Variants in BSN observed in about 807,000 individuals in gnomAD.
BSN encodes bassoon presynaptic cytomatrix protein.
BSN carries 57 observed loss-of-function variants against 264.8 expected under a neutral mutation model. The ratio of observed to expected loss-of-function variants is 0.22; its 90% CI spans 0.17 to 0.27. The LOEUF (loss-of-function observed/expected upper bound fraction) is 0.27. Ranked by LOEUF, BSN falls within the 10% of genes least tolerant of loss-of-function variation. The probability of loss-of-function intolerance (pLI) is 1.00; values close to 1 mark genes in which losing one functional copy is unlikely to be tolerated. For synonymous variants in BSN, 2,059 were observed against 2,137.3 expected (o/e 0.96, Z 1.01); for missense variants, 4,615 against 5,232.5 (o/e 0.88, Z 3.64).
Position 49,664,789 on chromosome 3 carries a change from T to G in BSN, c.11741-10T>G, listed in dbSNP as rs1277636715. On this transcript the variant is annotated splice_polypyrimidine_tract_variant and intron_variant, in intron 9 of 11. Coordinates refer to ENST00000296452, the MANE Select transcript of BSN (RefSeq NM_003458.4). ...TTTCCTGATGGCTCTCTCCTCTTTC[T>G]TTGTCACAGCTGTCTCTGCTTTTGG... 1.2e-6 allele frequency: 2 copies of G among 1,613,802 alleles called. No individual in the cohort carries two copies. The highest frequency in any genetic ancestry group is 2.7e-5 in the African/African-American group (2 of 74,936).
chr3:49,651,144 C>T lies in BSN; in HGVS notation c.1986+65C>T. 6.7e-7 allele frequency: 1 copy of T among 1,497,622 alleles called. No homozygotes were observed. Among genetic ancestry groups the T allele is most frequent in the Non-Finnish European group, 8.9e-7 (1 of 1,120,068 alleles). 92.8% of individuals were successfully genotyped at this position (1,497,622 alleles called of 1,614,324 possible). A position where few individuals can be genotyped will look rare whatever the true frequency, so the allele number is the denominator to read the frequency against. On this transcript the variant is annotated intron_variant, in intron 4 of 11. Transcript: ENST00000296452. This position sits in a 1 kb window ranked among gnomAD's most constrained non-coding sequence, Gnocchi z 5.4. The stretch of plus-strand genomic sequence containing the variant: ...CAGGACAGTCTATGGAAAGGCTTGC[C>T]TCCCTGGGTGGCTGAGGCTGTAGGC...
At chr3:49,611,623 G>A (rs910604769) in intron 1 of BSN, among the ~76,000 whole-genome samples, 3 of 152,194 alleles carry the variant, frequency 2.0e-5, no homozygotes, top group Non-Finnish European at 2.9e-5. Context: ...CCAGTTAGAC[G>A]TTCCCTCAGA....
chr3:49,606,254 A>AT (rs1348331278), intron 1 of BSN, among the ~76,000 whole-genome samples: 4 of 16,826 alleles, frequency 2.4e-4, no homozygotes, highest in African/African-American at 3.8e-4. Context: ...TATATTATAT[A>AT]TAAAATATAT....
At chr3:49,572,053 A>G (rs2051801004) in intron 1 of BSN, among the ~76,000 whole-genome samples, 2 of 152,184 alleles carry the variant, frequency 1.3e-5, no homozygotes, top group South Asian at 4.1e-4. Context: ...GCGGAAACAC[A>G]ACAGTCAGCA....
chr3:49,610,600 A>AAAC (rs2052199297), intron 1 of BSN, among the ~76,000 whole-genome samples: 2 of 151,754 alleles, frequency 1.3e-5, no homozygotes, highest in South Asian at 2.1e-4. Flanking sequence ...AAAAAAAAAA[A>AAAC]AAAAAACAAG....
intron 1 of BSN, among the ~76,000 whole-genome samples, chr3:49,587,856 C>G (rs1177169542): frequency 7.0e-6 from 1 of 142,752 alleles, no homozygotes; most frequent in Non-Finnish European, 1.6e-5. Context: ...TAACTTCTGT[C>G]ATTTTGTTAC....
At chr3:49,623,419 A>G (rs2052319611) in intron 1 of BSN, among the ~76,000 whole-genome samples, 1 of 152,260 alleles carries the variant, frequency 6.6e-6, no homozygotes, top group African/African-American at 2.4e-5. Flanking sequence ...AAACTGGAAA[A>G]GAGGAAAATT....
chr3:49,627,367 G>A (rs1022066372), intron 2 of BSN, among the ~76,000 whole-genome samples: 3 of 152,176 alleles, frequency 2.0e-5, no homozygotes, highest in African/African-American at 7.2e-5. Context: ...GGGTTTTCAG[G>A]TAGAACCTTC....
chr3:49,663,863 C>A lies in BSN; in HGVS notation c.11585C>A (p.Pro3862Gln). 3 of 1,614,028 alleles carry A rather than the reference C, an allele frequency of 1.9e-6. No homozygotes were observed. Among genetic ancestry groups the A allele is most frequent in the Non-Finnish European group, 2.5e-6 (3 of 1,179,992 alleles). ...PQQGRAPQAQ[P>Q]APGPGPAGVK... Reference sequence around the variant, plus strand: ...CAGGGGAGGGCTCCTCAGGCCCAGCCAGCACCAGGACCTGGACCTGCAGGT... The same window carrying A: ...CAGGGGAGGGCTCCTCAGGCCCAGCAAGCACCAGGACCTGGACCTGCAGGT... Residue 3862 changes from proline to glutamine, a missense_variant, in exon 8 of 12, where the codon CCA becomes CAA. Physicochemically the swap from Pro to Gln is moderately conservative, Grantham distance 76 (BLOSUM62 -1). Transcript: ENST00000296452.
intron 1 of BSN, among the ~76,000 whole-genome samples, chr3:49,561,791 CTTG>C (rs1427953126): frequency 5.3e-5 from 8 of 151,812 alleles, no homozygotes; most frequent in Non-Finnish European, 8.8e-5. Flanking sequence ...CAGTAGATCT[CTTG>C]TTGTTGTTAT....
At chr3:49,562,512 T>C (rs2051722239) in intron 1 of BSN, among the ~76,000 whole-genome samples, 1 of 152,160 alleles carries the variant, frequency 6.6e-6, no homozygotes, top group Admixed American at 6.5e-5. Flanking sequence ...TTAAAAGGGG[T>C]TGCATTATTT....
intron 1 of BSN, among the ~76,000 whole-genome samples, chr3:49,576,652 C>T (rs1193441555): frequency 1.3e-5 from 2 of 152,096 alleles, no homozygotes; most frequent in East Asian, 3.9e-4. Context: ...GAACTCCTGG[C>T]CTCAGGTGAT....
chr3:49,609,952 C>T (rs1276167206), intron 1 of BSN, among the ~76,000 whole-genome samples: 1 of 152,200 alleles, frequency 6.6e-6, no homozygotes, highest in Admixed American at 6.5e-5. Context: ...ATCAATCACC[C>T]GAGCCCGTGG....
In BSN at chr3:49,662,443, C is replaced by G. The variant is rs570131321; in HGVS notation, c.10598C>G (p.Ser3533Cys). Residue 3533 changes from serine to cysteine, a missense_variant, in exon 6 of 12, where the codon TCC (serine) becomes TGC (cysteine). Physicochemically the swap from Ser to Cys is moderately radical, Grantham distance 112 (BLOSUM62 -1). This residue lies in a region of BSN where 3,415 missense variants were observed against 3,866.4 expected (regional missense o/e 0.88). Transcript: ENST00000296452. ...PGGDTCPQFC[S>C]SHSMPDVQEH... ...GGGGATACCTGCCCACAGTTCTGCTCCAGCCACTCCATGCCTGATGTCCAG... is the reference window on the plus strand; with the variant it reads ...GGGGATACCTGCCCACAGTTCTGCTGCAGCCACTCCATGCCTGATGTCCAG... 3.1e-6 allele frequency: 5 copies of G among 1,613,694 alleles called. No individual in the cohort carries two copies. In the South Asian group the frequency reaches 5.5e-5, roughly 18 times the overall value.
intron 3 of BSN, among the ~76,000 whole-genome samples, chr3:49,649,803 G>T (rs1483815940): frequency 2.0e-5 from 3 of 152,230 alleles, no homozygotes; most frequent in Non-Finnish European, 2.9e-5. Context: ...GCCTGAAACA[G>T]TAGAGGATCC....
intron 1 of BSN, among the ~76,000 whole-genome samples, chr3:49,619,246 G>A (rs1483261033): frequency 6.6e-6 from 1 of 152,216 alleles, no homozygotes; most frequent in Non-Finnish European, 1.5e-5. Context: ...CATTGTTCTG[G>A]TTGTTGTGCA....
intron 1 of BSN, among the ~76,000 whole-genome samples, chr3:49,623,326 A>G (rs558832206): frequency 5.9e-5 from 9 of 152,332 alleles, no homozygotes; most frequent in South Asian, 2.1e-4. Flanking sequence ...ATTCACCCCA[A>G]TGAGTACAGA....
intron 1 of BSN, 132 bp from the exon 2 acceptor site, chr3:49,624,843 C>A: frequency 1.2e-6 from 1 of 803,804 alleles, no homozygotes; most frequent in Non-Finnish European, 1.9e-6. Flanking sequence ...CAAATGAGGG[C>A]CATGATGATT....
chr3:49,619,206 C>A (rs1431454883), intron 1 of BSN, among the ~76,000 whole-genome samples: 2 of 152,228 alleles, frequency 1.3e-5, no homozygotes. Context: ...TAGCCCAGCC[C>A]CACTCTGTGA....
Sources: allele counts gnomAD v4.1 joint callset (sites outside exome capture counted in the v4.1 genomes callset), GRCh38; gene constraint gnomAD v4.1.1; regional missense constraint gnomAD v4.1.1; non-coding constraint Gnocchi (gnomAD v3.1); transcripts MANE v1.5; gene names NCBI Gene and HGNC (gene_info 2026-07-23, HGNC 2026-07-21).